ZNF707: variants seen among roughly 807,000 people sequenced by gnomAD.
ZNF707 encodes the protein zinc finger protein 707.
ZNF707 carries 8 observed loss-of-function variants against 13.3 expected under a neutral mutation model. The observed-to-expected ratio is 0.60, with a 90% CI of 0.35 to 1.09. ZNF707 has a LOEUF of 1.09. Among genes scored for constraint, ZNF707 ranks in the 50% least tolerant of loss-of-function variants. ZNF707 has a pLI of 0.02. For synonymous variants in ZNF707, 225 were observed against 205.6 expected (o/e 1.09, Z -0.81); for missense variants, 530 against 512.6 (o/e 1.03, Z -0.33).
Position 143,694,196 on chromosome 8 carries a change from C to A in ZNF707, c.782C>A (p.Ser261Ter). ...RKVHTEHRPYSCGDCGKAFKQ... is the reference protein window; with the variant it reads ...RKVHTEHRPY ...GTCCACACCGAGCACAGGCCCTACTCGTGTGGCGACTGTGGGAAAGCCTTC... is the reference window on the plus strand; with the variant it reads ...GTCCACACCGAGCACAGGCCCTACTAGTGTGGCGACTGTGGGAAAGCCTTC... The change falls in exon 6 of 6, where the codon TCG (serine) becomes TAG (stop). Residue 261 changes from serine to a stop codon, truncating the protein, a stop_gained. Transcript: ENST00000358656. LOFTEE classifies it low-confidence loss of function (END_TRUNC). The surrounding 1 kb of genome is among the most constrained non-coding windows in gnomAD (Gnocchi z 4.4). 6.3e-7 allele frequency: 1 copy of A among 1,574,808 alleles called. No individual in the cohort carries two copies. The highest frequency in any genetic ancestry group is 8.6e-7 in the Non-Finnish European group (1 of 1,160,920).
At chr8:143,686,109 G>GT (rs1414846575) in intron 1 of ZNF707, among the ~76,000 whole-genome samples, 33 of 150,846 alleles carry the variant, frequency 2.2e-4, no homozygotes, top group Middle Eastern at 3.4e-3. Flanking sequence ...TTTTGTTTTT[G>GT]TTTTTTTTGA....
intron 1 of ZNF707, among the ~76,000 whole-genome samples, chr8:143,685,528 TAA>T (rs71318618): frequency 0.83 from 105,873 of 128,224 alleles, 44,680 homozygotes; most frequent in Non-Finnish European, 0.93. Context: ...ATCATCTTAT[TAA>T]AAAAAAAAAA....
Position 143,694,092 on chromosome 8 carries a change from C to G in ZNF707, c.678C>G (p.His226Gln). ...ACCTGCAGCGCCACCAGAAGAACCA[C>G]ACGCGCGAGAAGCCCTTCTGCTGCG... is the stretch of plus-strand genomic sequence containing the variant. The part of the protein sequence containing the change: ...ASNLQRHQKN[H>Q]TREKPFCCEA... The change falls in exon 6 of 6, where the codon CAC becomes CAG. Residue 226 changes from histidine (H) to glutamine (Q), a missense_variant. Transcript: ENST00000358656. This position sits in a 1 kb window ranked among gnomAD's most constrained non-coding sequence, Gnocchi z 4.4. The G allele has an allele frequency of 1.2e-6, 2 of 1,607,952 alleles. No individual in the cohort carries two copies. Among genetic ancestry groups the G allele is most frequent in the Non-Finnish European group, 1.7e-6 (2 of 1,178,054 alleles).
At chr8:143,690,156 T>C (rs782764327) in intron 3 of ZNF707, 33 bp downstream of exon 3, 1 of 1,601,652 alleles carries the variant, frequency 6.2e-7, no homozygotes, top group Non-Finnish European at 8.5e-7. Flanking sequence ...GCAGCCTCCC[T>C]TCTGCCCTGC....
intron 3 of ZNF707, 64 bp downstream of exon 3, chr8:143,690,187 A>G (rs1816675220): frequency 6.3e-7 from 1 of 1,589,978 alleles, no homozygotes; most frequent in African/African-American, 1.3e-5. Context: ...AGACCCCAGC[A>G]CACACGCGGG....
Position 143,692,167 on chromosome 8 carries a change from C to T in ZNF707, c.256+454C>T. 7 of 1,295,260 alleles carry T rather than the reference C, an allele frequency of 5.4e-6. No homozygotes were observed. In the East Asian group the frequency reaches 3.8e-4, roughly 70 times the overall value. The allele number at this position is 1,295,260 out of a possible 1,614,324, so 80.2% of individuals were successfully genotyped here. ...CTTGTTTGCAAAACTGGGACAGTGG[C>T]CATGCTTCCCTCCATTAGGTGAGGG... On this transcript the variant is annotated intron_variant, in intron 5 of 5. Transcript: ENST00000358656.
Position 143,691,256 on chromosome 8 carries a change from G to A in ZNF707, c.142+57G>A, listed in dbSNP as rs546402431. On this transcript the variant is annotated intron_variant, in intron 4 of 5. Transcript: ENST00000358656. ...GGGTGAGTGCTGGGAGAGCTCTGCC[G>A]CTGCCTCTGGGCCCAGCTCGTCCAG... is the stretch of plus-strand genomic sequence containing the variant. 5.5e-4 allele frequency: 849 copies of A among 1,553,286 alleles called. 1 individual carries two copies. The highest frequency in any genetic ancestry group is 6.9e-4 in the Non-Finnish European group (787 of 1,146,680).
rs781955256 is a variant in ZNF707, at chr8:143,694,445, A to G, written c.1031A>G (p.Tyr344Cys). ...HRRLHLTKRF[Y>C]ECGHCGKGFR... is the part of the protein sequence containing the mutation. ...AGGCTGCACCTGACGAAGAGGTTCT[A>G]CGAGTGCGGCCACTGTGGGAAAGGC... The change falls in exon 6 of 6, where the codon TAC (tyrosine) becomes TGC (cysteine). Residue 344 changes from tyrosine to cysteine, a missense_variant. By Grantham distance (194) the Tyr-to-Cys change is radical. Coordinates refer to ENST00000358656, the MANE Select transcript of ZNF707 (RefSeq NM_001100598.2). The surrounding 1 kb of genome is among the most constrained non-coding windows in gnomAD (Gnocchi z 4.4). 7.4e-6 allele frequency: 12 copies of G among 1,612,232 alleles called. No homozygotes were observed. Among genetic ancestry groups the G allele is most frequent in the Admixed American group, 3.3e-5 (2 of 59,958 alleles).
Position 143,691,904 on chromosome 8 carries a change from C to T in ZNF707, c.256+191C>T, listed in dbSNP as rs1440398113. On this transcript the variant is annotated intron_variant, in intron 5 of 5. Coordinates refer to ENST00000358656, the MANE Select transcript of ZNF707 (RefSeq NM_001100598.2). ...CGCTCCTGCCCTGATGGACACTGGC[C>T]GGGGGTGGGGCTCGAAAGGCATAGT... 3.6e-5 allele frequency: 38 copies of T among 1,056,994 alleles called. No homozygotes were observed. The Middle Eastern group carries it at 6.5e-4, about 18-fold the overall frequency. 65.5% of individuals were successfully genotyped at this position (1,056,994 alleles called of 1,614,324 possible).
At position 143,693,197 on chromosome 8, in the gene ZNF707, C is replaced by T. The variant is rs868912482; in HGVS notation, c.257-474C>T. 7.9e-5 allele frequency among the ~76,000 whole-genome samples: 12 copies of T among 152,178 alleles called. No homozygotes were observed. Among genetic ancestry groups the T allele is most frequent in the Middle Eastern group, 3.4e-3 (1 of 292 alleles). The stretch of plus-strand genomic sequence containing the variant: ...TGTGGCTCATCTGTGTTTCTTTGAA[C>T]GAGTTTTCCTGATCACTCGTAACCA... On this transcript the variant is annotated intron_variant, in intron 5 of 5. Coordinates refer to ENST00000358656, the MANE Select transcript of ZNF707 (RefSeq NM_001100598.2). The surrounding 1 kb of genome is among the most constrained non-coding windows in gnomAD (Gnocchi z 4.1).
chr8:143,692,321 A>G (rs1554613871), intron 5 of ZNF707: 3 of 1,289,456 alleles, frequency 2.3e-6, no homozygotes, highest in Admixed American at 2.3e-5. Flanking sequence ...GTGGAGTGTC[A>G]GGTTCCTAGG....
rs782073653 is a variant in ZNF707 at position 143,691,115 on chromosome 8, G to A, written c.58G>A (p.Glu20Lys). 6.2e-7 allele frequency: 1 copy of A among 1,613,934 alleles called. No homozygotes were observed. The highest frequency in any genetic ancestry group is 8.5e-7 in the Non-Finnish European group (1 of 1,179,874). ...FRDVAIYFSR[E>K]EWACLEPSQR... ...GGACGTGGCCATCTACTTCTCAAGG[G>A]AGGAGTGGGCGTGTCTGGAACCCAG... The change falls in exon 4 of 6, where the codon GAG becomes AAG. Residue 20 changes from glutamate to lysine, a missense_variant. Glu to Lys is a moderately conservative substitution (Grantham distance 56). Transcript: ENST00000358656.
chr8:143,688,916 C>G (rs1425514198), intron 1 of ZNF707: 3 of 152,320 alleles, frequency 2.0e-5, no homozygotes, highest in African/African-American at 7.2e-5. Context: ...CTGTGCTTGG[C>G]CCCTTGTAAT....
chr8:143,687,303 C>T (rs1179286825), intron 1 of ZNF707: 2 of 152,322 alleles, frequency 1.3e-5, no homozygotes, highest in African/African-American at 4.8e-5. Flanking sequence ...TCACTACAAC[C>T]TCTACCTCCA....
In ZNF707 at chr8:143,694,496, G is replaced by T. The variant is rs534396047; in HGVS notation, c.1082G>T (p.Arg361Leu). Reference sequence around the variant, plus strand: ...TTCCGTCACCTGGGGTTCTTCACGCGGCATCAGAGGACTCACAGGCACGGG... The same window carrying T: ...TTCCGTCACCTGGGGTTCTTCACGCTGCATCAGAGGACTCACAGGCACGGG... ...KGFRHLGFFT[R>L]HQRTHRHGEV Residue 361 changes from arginine (R) to leucine (L), a missense_variant, in exon 6 of 6, where the codon CGG becomes CTG. Coordinates refer to ENST00000358656, the MANE Select transcript of ZNF707 (RefSeq NM_001100598.2). The surrounding 1 kb of genome is among the most constrained non-coding windows in gnomAD (Gnocchi z 4.4). 6.2e-7 allele frequency: 1 copy of T among 1,608,348 alleles called. No individual in the cohort carries two copies. The highest frequency in any genetic ancestry group is 1.3e-5 in the African/African-American group (1 of 74,944).
intron 1 of ZNF707, among the ~76,000 whole-genome samples, chr8:143,687,751 T>C (rs1230926185): frequency 6.6e-6 from 1 of 152,200 alleles, no homozygotes; most frequent in Non-Finnish European, 1.5e-5. Context: ...TGCTTTTTCC[T>C]GGTCTCAGAG....
In ZNF707 at chr8:143,693,671, G is replaced by A; in HGVS notation, c.257G>A (p.Gly86Glu). The stretch of plus-strand genomic sequence containing the variant: ...GTAAGGGTGTCTGTTCCTTCCACAG[G>A]GGCAAGGAAGTCTGCAGACCCCAAG... The part of the protein sequence containing the change: ...FQAVQRGPRP[G>E]ARKSADPKRP... The change falls in exon 6 of 6, where the codon GGG (glycine) becomes GAG (glutamate). Residue 86 changes from glycine (G) to glutamate (E), a missense_variant and splice_region_variant. Transcript: ENST00000358656. The surrounding 1 kb of genome is among the most constrained non-coding windows in gnomAD (Gnocchi z 4.1). The A allele has an allele frequency of 6.3e-7, 1 of 1,575,082 alleles. No homozygotes were observed. The highest frequency in any genetic ancestry group is 8.6e-7 in the Non-Finnish European group (1 of 1,162,052).
Position 143,694,536 on chromosome 8 carries a change from C to G in ZNF707, c.*6C>G. ...ACAGGCACGGGGAGGTGTAGGGGCGCCCGAAGAGTGGGGTGCTGCGCCTCT... is the reference window on the plus strand; with the variant it reads ...ACAGGCACGGGGAGGTGTAGGGGCGGCCGAAGAGTGGGGTGCTGCGCCTCT... On this transcript the variant is annotated 3_prime_UTR_variant, in exon 6 of 6. Coordinates refer to ENST00000358656, the MANE Select transcript of ZNF707 (RefSeq NM_001100598.2). The surrounding 1 kb of genome is among the most constrained non-coding windows in gnomAD (Gnocchi z 4.4). 1 of 1,588,408 alleles carries G rather than the reference C, an allele frequency of 6.3e-7. No individual in the cohort carries two copies. The highest frequency in any genetic ancestry group is 1.7e-5 in the Admixed American group (1 of 58,702).
At chr8:143,689,969 T>G in intron 2 of ZNF707, 88 bp from the exon 3 acceptor site, 6 of 1,008,198 alleles carry the variant, frequency 6.0e-6, no homozygotes, top group Non-Finnish European at 7.4e-6. Flanking sequence ...GAATTCCCCG[T>G]GATTTGCTGA....
Sources: allele counts gnomAD v4.1 joint callset (sites outside exome capture counted in the v4.1 genomes callset), GRCh38; gene constraint gnomAD v4.1.1; non-coding constraint Gnocchi (gnomAD v3.1); transcripts MANE v1.5; gene names NCBI Gene and HGNC (gene_info 2026-07-23, HGNC 2026-07-21).